The following BACE2 variants were observed in gnomAD, a reference collection of about 807,000 sequenced individuals.
The protein encoded by BACE2 is 56 kDa aspartic-like protease.
BACE2 carries 17 observed loss-of-function variants against 46.2 expected under a neutral mutation model. That is an observed-to-expected ratio of 0.37 (90% CI 0.25 to 0.55). BACE2 has a LOEUF of 0.55. Among genes scored for constraint, BACE2 ranks in the 20% least tolerant of loss-of-function variants. The pLI is 0.82. For missense variants in BACE2, 595 were observed against 698.1 expected, an observed-to-expected ratio of 0.85 and a Z score of 1.66; for synonymous variants, 277 against 295.9, an observed-to-expected ratio of 0.94 and a Z score of 0.66.
At chr21:41,233,051 G>A (rs1987010755) in intron 2 of BACE2, among the ~76,000 whole-genome samples, 1 of 151,952 alleles carries the variant, frequency 6.6e-6, no homozygotes, top group Admixed American at 6.6e-5. Flanking sequence ...TGTATTTTCA[G>A]TAGAGACGGG....
intron 2 of BACE2, among the ~76,000 whole-genome samples, chr21:41,230,968 G>T (rs1039203628): frequency 2.6e-5 from 4 of 152,214 alleles, no homozygotes; most frequent in Non-Finnish European, 4.4e-5. Flanking sequence ...CTATTCAGGA[G>T]ATTAAGTATA....
rs182609164 is a variant in BACE2 at position 41,174,058 on chromosome 21, A to G, written c.312+5483A>G. Among the ~76,000 whole-genome samples the G allele has an allele frequency of 2.4e-3, 333 of 139,018 alleles. 2 individuals carry two copies. Among genetic ancestry groups the G allele is most frequent in the Middle Eastern group, 0.016 (4 of 254 alleles). The allele number at this position is 139,018 out of a possible 152,430, so 91.2% of individuals were successfully genotyped here. On this transcript the variant is annotated intron_variant, in intron 1 of 8. Transcript: ENST00000330333. ...TCCTTGTTGTAGGTAAGTTGGCTTC[A>G]CCTCCCCTTGCCTGCCCATTTTTCC...
chr21:41,260,269 C>G lies in BACE2; in HGVS notation c.1303+2943C>G, dbSNP rs1028972621. 2.0e-5 allele frequency among the ~76,000 whole-genome samples: 3 copies of G among 152,204 alleles called. No homozygotes were observed. In the South Asian group the frequency reaches 6.2e-4, roughly 32 times the overall value. ...AAGCAATCCTCCCACCTCAGCCTCCCAAGTACCTGGGACTATAGCATGTGT... is the reference window on the plus strand; with the variant it reads ...AAGCAATCCTCCCACCTCAGCCTCCGAAGTACCTGGGACTATAGCATGTGT... On this transcript the variant is annotated intron_variant, in intron 8 of 8. Transcript: ENST00000330333.
chr21:41,254,953 A>G (rs1444935296), intron 7 of BACE2, among the ~76,000 whole-genome samples: 1 of 152,244 alleles, frequency 6.6e-6, no homozygotes, highest in Non-Finnish European at 1.5e-5. Flanking sequence ...GTGGATCCCA[A>G]GAGACGAGGA....
intron 1 of BACE2, among the ~76,000 whole-genome samples, chr21:41,187,807 A>G (rs942090517): frequency 6.6e-6 from 1 of 152,200 alleles, no homozygotes; most frequent in Non-Finnish European, 1.5e-5. Flanking sequence ...ACCCTTTAGA[A>G]TGGCTGGGCT....
chr21:41,258,848 G>A (rs1568890502), intron 8 of BACE2, among the ~76,000 whole-genome samples: 1 of 152,170 alleles, frequency 6.6e-6, no homozygotes, highest in Admixed American at 6.5e-5. Context: ...TCTTTGCTAT[G>A]TGTAAATGTT....
At chr21:41,205,164 A>G (rs1420047531) in intron 1 of BACE2, among the ~76,000 whole-genome samples, 1 of 152,224 alleles carries the variant, frequency 6.6e-6, no homozygotes, top group Non-Finnish European at 1.5e-5. Context: ...ATTTCATTGT[A>G]AAGCTAGGTC....
chr21:41,168,177 C>A lies in BACE2; in HGVS notation c.-87C>A. ...GCGCGCCCATCCCTGCCCGCAGCCC[C>A]GCGCGCCGGCCGAGTCGCTGAGCCG... On this transcript the variant is annotated 5_prime_UTR_variant, in exon 1 of 9. Coordinates refer to ENST00000330333, the MANE Select transcript of BACE2 (RefSeq NM_012105.5). The A allele has an allele frequency of 1.3e-6, 1 of 795,904 alleles. No homozygotes were observed. Among genetic ancestry groups the A allele is most frequent in the East Asian group, 1.0e-4 (1 of 9,940 alleles). 49.3% of individuals were successfully genotyped at this position (795,904 alleles called of 1,614,324 possible). A position where few individuals can be genotyped will look rare whatever the true frequency, so the allele number is the denominator to read the frequency against.
At chr21:41,210,406 C>T (rs1035060041) in intron 1 of BACE2, among the ~76,000 whole-genome samples, 1 of 152,196 alleles carries the variant, frequency 6.6e-6, no homozygotes, top group South Asian at 2.1e-4. Flanking sequence ...TTTGTGGCAA[C>T]AAGATACCAA....
intron 2 of BACE2, among the ~76,000 whole-genome samples, chr21:41,233,281 T>C (rs1489657206): frequency 6.6e-6 from 1 of 152,242 alleles, no homozygotes; most frequent in Non-Finnish European, 1.5e-5. Context: ...TTAACTCTTT[T>C]AATCTGCATA....
intron 1 of BACE2, chr21:41,183,405 A>G (rs1409432617): frequency 2.4e-5 from 4 of 167,096 alleles, no homozygotes; most frequent in Non-Finnish European, 5.9e-5. Flanking sequence ...AACACACATC[A>G]CAATACATGT....
intron 1 of BACE2, among the ~76,000 whole-genome samples, chr21:41,197,206 C>G (rs1157291480): frequency 6.6e-6 from 1 of 151,856 alleles, no homozygotes; most frequent in East Asian, 1.9e-4. Flanking sequence ...AGGATCCTCC[C>G]ACCTTCGCCT....
chr21:41,257,037 T>A, intron 7 of BACE2, 121 bp from the exon 8 acceptor site: 1 of 1,042,090 alleles, frequency 9.6e-7, no homozygotes, highest in Non-Finnish European at 1.4e-6. Context: ...ATCTTTCTTC[T>A]CCCGTGACTC....
chr21:41,183,759 T>C (rs1985238894), intron 1 of BACE2: 1 of 167,060 alleles, frequency 6.0e-6, no homozygotes. Flanking sequence ...CTGGGGCTAG[T>C]AGGAGAAGGT....
chr21:41,258,673 T>C (rs1477254132), intron 8 of BACE2, among the ~76,000 whole-genome samples: 1 of 96,250 alleles, frequency 1.0e-5, no homozygotes, highest in Non-Finnish European at 2.3e-5. Context: ...AAAGGAAAGA[T>C]TGCAGTGGAC....
intron 1 of BACE2, among the ~76,000 whole-genome samples, chr21:41,204,074 TG>T (rs1157806937): frequency 6.6e-6 from 1 of 152,194 alleles, no homozygotes; most frequent in African/African-American, 2.4e-5. Flanking sequence ...TGGAGTGCAG[TG>T]GTGCAGTCTT....
chr21:41,222,214 G>C (rs992619611), intron 1 of BACE2, among the ~76,000 whole-genome samples: 1 of 152,200 alleles, frequency 6.6e-6, no homozygotes, highest in Non-Finnish European at 1.5e-5. Context: ...TAGGAAGCAC[G>C]TACAGCAGTG....
intron 2 of BACE2, among the ~76,000 whole-genome samples, chr21:41,229,536 T>A (rs1009215323): frequency 5.3e-5 from 8 of 152,236 alleles, no homozygotes; most frequent in African/African-American, 1.9e-4. Context: ...TGCTTCTCAA[T>A]CCACACATCC....
At chr21:41,196,329 G>A (rs1444387882) in intron 1 of BACE2, among the ~76,000 whole-genome samples, 3 of 147,816 alleles carry the variant, frequency 2.0e-5, no homozygotes, top group Non-Finnish European at 3.0e-5. Context: ...AAAAAAAAAA[G>A]AGAGAGAGAG....
Sources: gnomAD v4.1 joint callset for allele counts (sites outside exome capture counted in the v4.1 genomes callset) on GRCh38, gnomAD v4.1.1 for gene constraint, MANE v1.5 for transcripts, NCBI Gene and HGNC (gene_info 2026-07-23, HGNC 2026-07-21) for gene names.